CALN1: variants seen among roughly 807,000 people sequenced by gnomAD.
CALN1 encodes calneuron 1.
CALN1 carries 17 observed loss-of-function variants against 30.6 expected under a neutral mutation model. That is an observed-to-expected ratio of 0.56 (90% CI 0.38 to 0.83). CALN1 has a LOEUF of 0.83. Ranked by LOEUF, CALN1 falls within the 40% of genes least tolerant of loss-of-function variation. The pLI, the probability that CALN1 is intolerant of heterozygous loss-of-function variation, is 0.00. For missense variants in CALN1, 291 were observed against 354.9 expected (o/e 0.82, Z 1.45); for synonymous variants, 156 against 131.4 (o/e 1.19, Z -1.28).
At chr7:72,025,202 T>G (rs1339070636) in intron 4 of CALN1, among the ~76,000 whole-genome samples, 2 of 151,992 alleles carry the variant, frequency 1.3e-5, no homozygotes, top group Non-Finnish European at 2.9e-5. Context: ...CCCAGCTACT[T>G]GGGAGGCTGA....
chr7:71,823,230 T>C (rs540498785), intron 5 of CALN1, among the ~76,000 whole-genome samples: 2 of 152,030 alleles, frequency 1.3e-5, no homozygotes, highest in South Asian at 4.2e-4. Context: ...TGGCCCAGGC[T>C]GGAGTGCAGT....
chr7:72,496,915 A>G, the CALN1 span, among the ~76,000 whole-genome samples: 2 of 152,188 alleles, frequency 1.3e-5, no homozygotes, highest in East Asian at 1.9e-4. Flanking sequence ...TTATGAGGCC[A>G]AAGAATCATA....
At chr7:72,409,722 G>A (rs1806981795) in intron 1 of CALN1, among the ~76,000 whole-genome samples, 2 of 152,196 alleles carry the variant, frequency 1.3e-5, no homozygotes, top group South Asian at 4.2e-4. Context: ...TCATAAGCAT[G>A]GGTTAAATGG....
chr7:72,049,398 G>A (rs535393716), intron 4 of CALN1, among the ~76,000 whole-genome samples: 1 of 152,306 alleles, frequency 6.6e-6, no homozygotes, highest in East Asian at 1.9e-4. Context: ...ACTTTCATGT[G>A]CTATCAATCA....
chr7:71,894,493 C>T (rs528508372), intron 5 of CALN1, among the ~76,000 whole-genome samples: 3 of 152,292 alleles, frequency 2.0e-5, no homozygotes, highest in East Asian at 3.9e-4. Context: ...TCTCAAACTC[C>T]TGGCCTCACT....
chr7:72,499,998 G>A, the CALN1 span, among the ~76,000 whole-genome samples: 1 of 150,686 alleles, frequency 6.6e-6, no homozygotes, highest in Non-Finnish European at 1.5e-5. Context: ...TACAACCTCC[G>A]CCTCCCAGGC....
intron 3 of CALN1, among the ~76,000 whole-genome samples, chr7:72,193,800 G>A (rs1790793782): frequency 6.6e-6 from 1 of 152,178 alleles, no homozygotes; most frequent in Admixed American, 6.5e-5. Context: ...CAAAATAGTG[G>A]CATTCGCAGC....
intron 3 of CALN1, among the ~76,000 whole-genome samples, chr7:72,120,882 TC>T (rs1034005155): frequency 2.0e-5 from 3 of 151,174 alleles, no homozygotes; most frequent in Non-Finnish European, 4.4e-5. Context: ...CCAAAGGAGG[TC>T]CCCAAGAAAG....
intron 5 of CALN1, among the ~76,000 whole-genome samples, chr7:71,903,318 G>A (rs1448738799): frequency 2.6e-5 from 4 of 152,094 alleles, no homozygotes; most frequent in Non-Finnish European, 5.9e-5. Flanking sequence ...TGAAGCTATA[G>A]TAAACAAAGC....
At chr7:72,169,099 T>C (rs554082356) in intron 3 of CALN1, among the ~76,000 whole-genome samples, 1 of 142,028 alleles carries the variant, frequency 7.0e-6, no homozygotes, top group South Asian at 2.1e-4. Flanking sequence ...AGCCACCACA[T>C]CTAGCCCTAT....
Position 72,232,080 on chromosome 7 carries a change from G to A in CALN1, c.244+46606C>T, listed in dbSNP as rs939472971. Reference sequence around the variant, plus strand: ...CTACAGGCTGGGGCCAAAGGAGAAGGGTCAAAGAAGACAAAAGGCTGGCTC... The same window carrying A: ...CTACAGGCTGGGGCCAAAGGAGAAGAGTCAAAGAAGACAAAAGGCTGGCTC... On this transcript the variant is annotated intron_variant, in intron 3 of 6. Coordinates refer to ENST00000395275, the MANE Select transcript of CALN1 (RefSeq NM_031468.4). Among the ~76,000 whole-genome samples the A allele has an allele frequency of 2.0e-5, 3 of 152,088 alleles. No homozygotes were observed. The South Asian group carries it at 6.2e-4, about 32-fold the overall frequency.
Position 72,205,551 on chromosome 7 carries a change from A to AAAATATATACATATATAT in CALN1, c.244+73134_244+73135insATATATATGTATATATTT. ...ATTTTTCTCCTGATTGCAAAAAAAA[A>AAAATATATACATATATAT]ATATATATATATATATGTATATATA... On this transcript the variant is annotated intron_variant, in intron 3 of 6. Coordinates refer to ENST00000395275, the MANE Select transcript of CALN1 (RefSeq NM_031468.4). 1.7e-4 allele frequency among the ~76,000 whole-genome samples: 14 copies of AAAATATATACATATATAT among 83,042 alleles called. 1 individual carries two copies. Among genetic ancestry groups the AAAATATATACATATATAT allele is most frequent in the African/African-American group, 8.9e-4 (12 of 13,442 alleles). The allele number at this position is 83,042 out of a possible 152,430, so 54.5% of individuals were successfully genotyped here. A position where few individuals can be genotyped will look rare whatever the true frequency, so the allele number is the denominator to read the frequency against.
intron 2 of CALN1, among the ~76,000 whole-genome samples, chr7:72,297,312 T>C (rs1375249292): frequency 6.6e-6 from 1 of 151,348 alleles, no homozygotes; most frequent in Non-Finnish European, 1.5e-5. Context: ...ATTAAGAAAA[T>C]AGGAAAAAAA....
chr7:72,364,172 T>C (rs1196752813), intron 2 of CALN1, among the ~76,000 whole-genome samples: 1 of 152,172 alleles, frequency 6.6e-6, no homozygotes, highest in Non-Finnish European at 1.5e-5. Context: ...CATACCTCAT[T>C]ACCAGATAAG....
intron 2 of CALN1, among the ~76,000 whole-genome samples, chr7:72,338,478 T>TGC (rs1802210922): frequency 9.0e-6 from 1 of 111,514 alleles, no homozygotes; most frequent in Admixed American, 9.0e-5. Flanking sequence ...ACAGTGTGTG[T>TGC]GTGTGTGTGT....
At chr7:71,890,795 G>A (rs1161666828) in intron 5 of CALN1, among the ~76,000 whole-genome samples, 1 of 136,660 alleles carries the variant, frequency 7.3e-6, no homozygotes, top group Non-Finnish European at 1.5e-5. Flanking sequence ...GCCCAGACTG[G>A]AGTGCAGTGG....
intron 5 of CALN1, among the ~76,000 whole-genome samples, chr7:72,016,279 T>A (rs1265232002): frequency 6.7e-6 from 1 of 148,670 alleles, no homozygotes. Context: ...TCACTGTCAA[T>A]GATTGAATAT....
At chr7:71,913,199 C>G (rs920593448) in intron 5 of CALN1, among the ~76,000 whole-genome samples, 1 of 152,180 alleles carries the variant, frequency 6.6e-6, no homozygotes. Flanking sequence ...TAAAGAGAAA[C>G]GAGGAGCTGG....
intron 3 of CALN1, among the ~76,000 whole-genome samples, chr7:72,275,899 C>T (rs1294065906): frequency 6.6e-6 from 1 of 152,180 alleles, no homozygotes; most frequent in Admixed American, 6.5e-5. Context: ...ATCCAGCCAG[C>T]AGCCCTCTTG....
Sources: allele counts gnomAD v4.1 joint callset (sites outside exome capture counted in the v4.1 genomes callset), GRCh38; gene constraint gnomAD v4.1.1; transcripts MANE v1.5; gene names NCBI Gene and HGNC (gene_info 2026-07-23, HGNC 2026-07-21).